The following DOCK4 variants were observed in gnomAD, a reference collection of about 807,000 sequenced individuals.
DOCK4 encodes the protein dedicator of cytokinesis 4, also known as dedicator of cytokinesis protein 4.
In DOCK4, 97 loss-of-function variants were observed where a neutral mutation model predicts 268.1. The ratio of observed to expected loss-of-function variants is 0.36; its 90% CI spans 0.31 to 0.43. The LOEUF (loss-of-function observed/expected upper bound fraction) is 0.43, where lower values mean the gene tolerates loss of function less well. DOCK4 is among the 20% of genes least tolerant of loss of function. DOCK4 has a pLI of 1.00. For synonymous variants in DOCK4, 954 were observed against 887.2 expected (o/e 1.08, Z -1.34); for missense variants, 2,145 against 2,455.7 (o/e 0.87, Z 2.67).
At chr7:111,854,220 G>A (rs1253500572) in intron 23 of DOCK4, among the ~76,000 whole-genome samples, 1 of 152,184 alleles carries the variant, frequency 6.6e-6, no homozygotes, top group Admixed American at 6.5e-5. Flanking sequence ...CAGACAGCCT[G>A]GTGCCACACC....
At chr7:112,062,485 T>C (rs1478944873) in intron 1 of DOCK4, among the ~76,000 whole-genome samples, 1 of 152,196 alleles carries the variant, frequency 6.6e-6, no homozygotes, top group African/African-American at 2.4e-5. Flanking sequence ...GTGACTTATA[T>C]AGCATCTCTT....
chr7:111,845,840 T>C (rs907174340), intron 24 of DOCK4, among the ~76,000 whole-genome samples: 5 of 152,180 alleles, frequency 3.3e-5, no homozygotes, highest in Non-Finnish European at 5.9e-5. Context: ...AACTTACATT[T>C]TACTCTCAGC....
At chr7:111,990,835 C>T (rs1799464096) in intron 5 of DOCK4, among the ~76,000 whole-genome samples, 1 of 152,180 alleles carries the variant, frequency 6.6e-6, no homozygotes, top group African/African-American at 2.4e-5. Flanking sequence ...AATCACATGG[C>T]TGTCTGCCTG....
At chr7:112,062,922 C>G (rs1806565211) in intron 1 of DOCK4, among the ~76,000 whole-genome samples, 1 of 152,188 alleles carries the variant, frequency 6.6e-6, no homozygotes, top group African/African-American at 2.4e-5. Context: ...CGTGATCCGC[C>G]TGCCTCAGCC....
At chr7:112,036,394 T>C (rs921542316) in intron 1 of DOCK4, among the ~76,000 whole-genome samples, 16 of 152,098 alleles carry the variant, frequency 1.1e-4, no homozygotes, top group Non-Finnish European at 1.0e-4. Context: ...GATCAGAGAA[T>C]GAATGTTGTG....
chr7:112,082,585 G>A (rs918600511), intron 1 of DOCK4, among the ~76,000 whole-genome samples: 1 of 152,080 alleles, frequency 6.6e-6, no homozygotes, highest in African/African-American at 2.4e-5. Flanking sequence ...TAAGAAACCG[G>A]AAAAGCCTAC....
intron 36 of DOCK4, among the ~76,000 whole-genome samples, chr7:111,776,513 A>G (rs1798449983): frequency 6.6e-6 from 1 of 152,200 alleles, no homozygotes; most frequent in African/African-American, 2.4e-5. Flanking sequence ...AGAGAAGTTG[A>G]ACAAAAATGA....
chr7:112,090,459 C>G (rs1460734189), intron 1 of DOCK4, among the ~76,000 whole-genome samples: 1 of 152,160 alleles, frequency 6.6e-6, no homozygotes, highest in Non-Finnish European at 1.5e-5. Flanking sequence ...GCAAAAATAT[C>G]TGTTTAGACA....
chr7:111,964,545 T>G (rs1488074629), intron 8 of DOCK4, among the ~76,000 whole-genome samples: 2 of 127,970 alleles, frequency 1.6e-5, no homozygotes, highest in Non-Finnish European at 3.2e-5. Flanking sequence ...CCAAGAAATA[T>G]GGGACTATGT....
At chr7:111,783,025 A>G in intron 34 of DOCK4, 101 bp from the exon 35 acceptor site, 1 of 1,164,580 alleles carries the variant, frequency 8.6e-7, no homozygotes, top group Non-Finnish European at 1.2e-6. Context: ...AAAGAAAAAA[A>G]AAAAAAAAGA....
intron 39 of DOCK4, among the ~76,000 whole-genome samples, chr7:111,761,342 G>A (rs2133598707): frequency 6.6e-6 from 1 of 152,296 alleles, no homozygotes; most frequent in East Asian, 1.9e-4. Context: ...TTACAGGTGT[G>A]AGCCACCACG....
chr7:111,865,633 T>C (rs1252420851), intron 22 of DOCK4, among the ~76,000 whole-genome samples: 1 of 152,098 alleles, frequency 6.6e-6, no homozygotes, highest in African/African-American at 2.4e-5. Context: ...ACAAAAGAGA[T>C]TTTGCAGATG....
intron 7 of DOCK4, among the ~76,000 whole-genome samples, chr7:111,980,837 A>G (rs943898878): frequency 1.3e-5 from 2 of 152,254 alleles, no homozygotes; most frequent in Non-Finnish European, 2.9e-5. Context: ...AAGCAGATGC[A>G]TGATCTTACA....
At chr7:112,181,503 A>T (rs918185608) in intron 1 of DOCK4, among the ~76,000 whole-genome samples, 12 of 152,000 alleles carry the variant, frequency 7.9e-5, no homozygotes, top group African/African-American at 2.4e-4. Flanking sequence ...AAAAAAATTT[A>T]AAAATTAGCC....
chr7:112,002,692 G>C (rs536380720), intron 2 of DOCK4, among the ~76,000 whole-genome samples: 2 of 152,140 alleles, frequency 1.3e-5, no homozygotes, highest in Admixed American at 1.3e-4. Flanking sequence ...CCTTAAAAGA[G>C]GAAAAACATG....
intron 44 of DOCK4, among the ~76,000 whole-genome samples, chr7:111,744,709 T>C (rs1796150906): frequency 1.3e-5 from 2 of 152,228 alleles, no homozygotes; most frequent in African/African-American, 4.8e-5. Context: ...AGTCATTGCA[T>C]AATCCTAAGT....
chr7:111,801,465 A>C (rs950430295), intron 30 of DOCK4, among the ~76,000 whole-genome samples: 1 of 152,098 alleles, frequency 6.6e-6, no homozygotes, highest in Non-Finnish European at 1.5e-5. Context: ...AAGACCAAAA[A>C]CCCTGGTGTT....
chr7:111,844,479 T>C (rs1803939504), intron 25 of DOCK4, among the ~76,000 whole-genome samples: 1 of 152,220 alleles, frequency 6.6e-6, no homozygotes, highest in African/African-American at 2.4e-5. Flanking sequence ...AGTCATCAAG[T>C]TGACTTGGAA....
intron 1 of DOCK4, among the ~76,000 whole-genome samples, chr7:112,042,632 T>C (rs1479417896): frequency 6.6e-6 from 1 of 152,230 alleles, no homozygotes; most frequent in Non-Finnish European, 1.5e-5. Flanking sequence ...GCTGTCCAAC[T>C]GCTTACCATC....
Sources: gnomAD v4.1 joint callset for allele counts (sites outside exome capture counted in the v4.1 genomes callset) on GRCh38, gnomAD v4.1.1 for gene constraint, MANE v1.5 for transcripts, NCBI Gene and HGNC (gene_info 2026-07-23, HGNC 2026-07-21) for gene names.